TDRD9: variants seen among roughly 807,000 people sequenced by gnomAD.
TDRD9 encodes ATP-dependent RNA helicase TDRD9.
A neutral mutation model predicts 172.6 loss-of-function variants in TDRD9; 124 were observed. That is an observed-to-expected ratio of 0.72 (90% CI 0.62 to 0.83). The LOEUF (loss-of-function observed/expected upper bound fraction) is 0.83. TDRD9 is among the 40% of genes least tolerant of loss of function. The pLI, the probability that TDRD9 is intolerant of heterozygous loss-of-function variation, is 0.00. For synonymous variants in TDRD9, 619 were observed against 617.1 expected, an observed-to-expected ratio of 1.00 and a Z score of -0.05; for missense variants, 1,479 against 1,714.1, an observed-to-expected ratio of 0.86 and a Z score of 2.42.
chr14:103,928,597 C>A lies in TDRD9; in HGVS notation c.88C>A (p.Pro30Thr). ...VTNVELLGAP[P>T]AFPAGAAREE... is the part of the protein sequence containing the mutation. ...CAATGTGGAGCTGCTGGGCGCGCCGCCCGCCTTCCCGGCAGGGGCGGCCAG... is the reference window on the plus strand; with the variant it reads ...CAATGTGGAGCTGCTGGGCGCGCCGACCGCCTTCCCGGCAGGGGCGGCCAG... The change falls in exon 1 of 36, where the codon CCC (proline) becomes ACC (threonine). Residue 30 changes from proline (P) to threonine (T), a missense_variant. By Grantham distance (38) the Pro-to-Thr change is conservative. Transcript: ENST00000409874. 1 of 1,347,394 alleles carries A rather than the reference C, an allele frequency of 7.4e-7. No homozygotes were observed. The highest frequency in any genetic ancestry group is 3.1e-5 in the Admixed American group (1 of 31,776). The allele number at this position is 1,347,394 out of a possible 1,614,324, so 83.5% of individuals were successfully genotyped here. A position where few individuals can be genotyped will look rare whatever the true frequency, so the allele number is the denominator to read the frequency against.
Position 103,970,605 on chromosome 14 carries a change from A to G in TDRD9, c.830A>G (p.Asn277Ser), listed in dbSNP as rs2032979044. ...GTAGTCCGCAAACTCTTAAGAACAA[A>G]TTCACGTTTTGTGAAGGTAAATTTG... ...LLVVRKLLRTNSRFVKVVLMS... is the reference protein window; with the variant it reads ...LLVVRKLLRTSSRFVKVVLMS... The change falls in exon 6 of 36, where the codon AAT becomes AGT. Residue 277 changes from asparagine to serine, a missense_variant. Asn to Ser is a conservative substitution (Grantham distance 46). Coordinates refer to ENST00000409874, the MANE Select transcript of TDRD9 (RefSeq NM_153046.3). 1 of 1,550,848 alleles carries G rather than the reference A, an allele frequency of 6.4e-7. No individual in the cohort carries two copies. Among genetic ancestry groups the G allele is most frequent in the East Asian group, 2.4e-5 (1 of 40,930 alleles).
intron 6 of TDRD9, among the ~76,000 whole-genome samples, chr14:103,973,305 A>G (rs1040289079): frequency 7.9e-5 from 12 of 152,316 alleles, no homozygotes; most frequent in African/African-American, 2.2e-4. Flanking sequence ...TTTTAAAGAG[A>G]GTGCCGCTGT....
intron 7 of TDRD9, among the ~76,000 whole-genome samples, chr14:103,975,950 G>A (rs559177341): frequency 6.6e-6 from 1 of 152,194 alleles, no homozygotes; most frequent in East Asian, 1.9e-4. Flanking sequence ...AGCCATAGTG[G>A]GACCCTCATC....
chr14:103,990,422 C>T (rs987327361), intron 8 of TDRD9, among the ~76,000 whole-genome samples: 1 of 152,226 alleles, frequency 6.6e-6, no homozygotes, highest in Non-Finnish European at 1.5e-5. Context: ...ATGGCTTTTC[C>T]ATGGCTCCCT....
intron 13 of TDRD9, among the ~76,000 whole-genome samples, chr14:104,000,975 A>G (rs1268143702): frequency 1.3e-5 from 2 of 152,238 alleles, no homozygotes; most frequent in African/African-American, 2.4e-5. Context: ...AGCACATAGA[A>G]TCCTTTGAAT....
intron 8 of TDRD9, among the ~76,000 whole-genome samples, chr14:103,987,254 AGTATGT>A (rs2033704799): frequency 6.6e-6 from 1 of 152,112 alleles, no homozygotes; most frequent in Non-Finnish European, 1.5e-5. Context: ...GGAATTATAC[AGTATGT>A]ATCCTTTTCA....
intron 23 of TDRD9, among the ~76,000 whole-genome samples, chr14:104,019,094 T>A (rs2034876699): frequency 6.6e-6 from 1 of 152,204 alleles, no homozygotes; most frequent in South Asian, 2.1e-4. Flanking sequence ...AATATTCTGA[T>A]GTAAATTATA....
Position 104,022,260 on chromosome 14 carries a change from A to G in TDRD9, c.2536A>G (p.Ser846Gly). The change falls in exon 24 of 36, where the codon AGC (serine) becomes GGC (glycine). Residue 846 changes from serine to glycine, a missense_variant. Transcript: ENST00000409874. ...TCAACTAAAAGTTTCACTTGAACTC[A>G]GCGTTCATTCTGCAGAGGAAATTGA... Reference protein sequence around the residue: ...MSQLKVSLELSVHSAEEIEGK... With the variant: ...MSQLKVSLELGVHSAEEIEGK... 4 of 1,613,308 alleles carry G rather than the reference A, an allele frequency of 2.5e-6. No homozygotes were observed. Among genetic ancestry groups the G allele is most frequent in the Non-Finnish European group, 3.4e-6 (4 of 1,179,628 alleles).
In TDRD9 at chr14:104,052,026, A is replaced by G. The variant is rs1306290266; in HGVS notation, c.4093A>G (p.Arg1365Gly). 2 of 1,597,030 alleles carry G rather than the reference A, an allele frequency of 1.3e-6. No individual in the cohort carries two copies. The highest frequency in any genetic ancestry group is 2.3e-5 in the South Asian group (2 of 87,544). The change falls in exon 36 of 36, where the codon AGA becomes GGA. Residue 1365 changes from arginine to glycine, a missense_variant. Coordinates refer to ENST00000409874, the MANE Select transcript of TDRD9 (RefSeq NM_153046.3). ...VMEQADRESS[R>G]GKNTFLYQLH... ...GGAGCAGGCCGACCGTGAGAGCAGC[A>G]GAGGGAAGAACACCTTTCTCTACCA...
At chr14:104,029,613 C>T (rs974486607) in intron 28 of TDRD9, among the ~76,000 whole-genome samples, 18 of 152,222 alleles carry the variant, frequency 1.2e-4, no homozygotes, top group African/African-American at 4.3e-4. Context: ...ATCATGTTAT[C>T]TGCAAAGAGG....
chr14:104,038,867 G>A (rs143501836), intron 32 of TDRD9, among the ~76,000 whole-genome samples: 1,522 of 152,046 alleles, frequency 0.01, 14 homozygotes, highest in Non-Finnish European at 0.017. Flanking sequence ...AAGGGGTTTC[G>A]CCCTGTTGGC....
intron 28 of TDRD9, among the ~76,000 whole-genome samples, chr14:104,027,212 T>G (rs1309912345): frequency 6.6e-6 from 1 of 152,124 alleles, no homozygotes; most frequent in East Asian, 1.9e-4. Flanking sequence ...ATTTATTTAT[T>G]TATTTAACAT....
At chr14:103,986,613 A>G (rs974829122) in intron 8 of TDRD9, among the ~76,000 whole-genome samples, 8 of 152,194 alleles carry the variant, frequency 5.3e-5, no homozygotes, top group African/African-American at 1.9e-4. Flanking sequence ...ATCACTCTTA[A>G]TGCTGGGGTA....
intron 1 of TDRD9, among the ~76,000 whole-genome samples, chr14:103,932,375 A>T (rs981869400): frequency 6.6e-6 from 1 of 152,086 alleles, no homozygotes; most frequent in Non-Finnish European, 1.5e-5. Flanking sequence ...AGAACATTTG[A>T]CATAGGGGAG....
chr14:103,946,640 T>C (rs1208062247), intron 1 of TDRD9, among the ~76,000 whole-genome samples: 1 of 152,222 alleles, frequency 6.6e-6, no homozygotes, highest in Non-Finnish European at 1.5e-5. Flanking sequence ...TAATTTTATA[T>C]GTAGAAACCC....
intron 32 of TDRD9, among the ~76,000 whole-genome samples, chr14:104,039,580 G>A (rs983241675): frequency 6.6e-6 from 1 of 152,316 alleles, no homozygotes; most frequent in East Asian, 1.9e-4. Context: ...GGAATTGGTC[G>A]GAAAGTTGTT....
At position 103,986,350 on chromosome 14, in the gene TDRD9, T is replaced by A. The variant is rs760309462; in HGVS notation, c.1115+30T>A. The A allele has an allele frequency of 1.2e-5, 18 of 1,459,496 alleles. No individual in the cohort carries two copies. The South Asian group carries it at 2.2e-4, about 18-fold the overall frequency. 90.4% of individuals were successfully genotyped at this position (1,459,496 alleles called of 1,614,324 possible). A position where few individuals can be genotyped will look rare whatever the true frequency, so the allele number is the denominator to read the frequency against. On this transcript the variant is annotated intron_variant, in intron 8 of 35. Transcript: ENST00000409874. ...GAGATACTTCAGTTGGTAATGCACT[T>A]TAATGTATATGTGATTTAAAAAATT...
intron 23 of TDRD9, among the ~76,000 whole-genome samples, chr14:104,018,757 T>A (rs1566787004): frequency 6.6e-6 from 1 of 152,244 alleles, no homozygotes; most frequent in Non-Finnish European, 1.5e-5. Context: ...GTAGGATTTT[T>A]AATTTTTAAA....
At chr14:104,006,953 A>C in intron 18 of TDRD9, 108 bp downstream of exon 18, 1 of 1,089,340 alleles carries the variant, frequency 9.2e-7, no homozygotes, top group Non-Finnish European at 1.4e-6. Flanking sequence ...ATCTAGTGAA[A>C]GTATTATCAG....
Sources: allele counts gnomAD v4.1 joint callset (sites outside exome capture counted in the v4.1 genomes callset), GRCh38; gene constraint gnomAD v4.1.1; transcripts MANE v1.5; gene names NCBI Gene and HGNC (gene_info 2026-07-23, HGNC 2026-07-21).